Variants in IL1RAP observed in about 807,000 individuals in gnomAD.
The protein encoded by IL1RAP is interleukin 1 receptor accessory protein.
In IL1RAP, 35 loss-of-function variants were observed where a neutral mutation model predicts 60.7. The observed-to-expected ratio is 0.58, with a 90% CI of 0.44 to 0.76. The LOEUF is 0.76. IL1RAP is among the 30% of genes least tolerant of loss of function. The probability of loss-of-function intolerance (pLI) is 0.00; values close to 1 mark genes in which losing one functional copy is unlikely to be tolerated. For synonymous variants in IL1RAP, 268 were observed against 250.9 expected (o/e 1.07, Z -0.64); for missense variants, 572 against 693.9 (o/e 0.82, Z 1.97).
At chr3:190,579,110 T>G (rs992649156) in intron 3 of IL1RAP, among the ~76,000 whole-genome samples, 1 of 152,224 alleles carries the variant, frequency 6.6e-6, no homozygotes. Context: ...GTTTTGTTTG[T>G]TTTTGGTTTT....
At chr3:190,651,532 GT>G, downstream of IL1RAP, 1 of 328,422 alleles carries the variant, frequency 3.0e-6, no homozygotes, top group Non-Finnish European at 4.4e-6. Context: ...TTGTGCATGT[GT>G]TTTATGTCAT....
intron 1 of IL1RAP, among the ~76,000 whole-genome samples, chr3:190,547,991 C>T (rs905169024): frequency 1.3e-5 from 2 of 152,100 alleles, no homozygotes; most frequent in African/African-American, 4.8e-5. Flanking sequence ...CTGAGGCCCT[C>T]TTCTGCTGGA....
Position 190,648,911 on chromosome 3 carries a change from A to T in IL1RAP, c.*206A>T. 7.4e-7 allele frequency: 1 copy of T among 1,352,726 alleles called. No individual in the cohort carries two copies. Among genetic ancestry groups the T allele is most frequent in the Non-Finnish European group, 9.5e-7 (1 of 1,054,670 alleles). 83.8% of individuals were successfully genotyped at this position (1,352,726 alleles called of 1,614,324 possible). On this transcript the variant is annotated 3_prime_UTR_variant, in exon 12 of 12. Transcript: ENST00000447382. ...AGAAAGATATCATCAACGTTCTGTC[A>T]CCAGTCTCTGATGCCACTATGTTCT...
chr3:190,648,814 C>A lies in IL1RAP; in HGVS notation c.*109C>A. Reference sequence around the variant, plus strand: ...TCATAGGCAAAAATAATGGTCTAAGCCTCCCAATAGGGATAAATTTAGGGT... The same window carrying A: ...TCATAGGCAAAAATAATGGTCTAAGACTCCCAATAGGGATAAATTTAGGGT... On this transcript the variant is annotated 3_prime_UTR_variant, in exon 12 of 12. Transcript: ENST00000447382. The A allele has an allele frequency of 1.4e-6, 2 of 1,465,470 alleles. No homozygotes were observed. Among genetic ancestry groups the A allele is most frequent in the African/African-American group, 2.8e-5 (2 of 70,588 alleles). The allele number at this position is 1,465,470 out of a possible 1,614,324, so 90.8% of individuals were successfully genotyped here.
intron 9 of IL1RAP, among the ~76,000 whole-genome samples, chr3:190,631,221 A>T (rs1157502996): frequency 6.6e-6 from 1 of 152,158 alleles, no homozygotes; most frequent in Non-Finnish European, 1.5e-5. Context: ...CTTCTGAGGG[A>T]TGTATCCTGG....
chr3:190,658,299 A>G (rs900885678), exon 12 of IL1RAP: 5 of 152,214 alleles, frequency 3.3e-5, no homozygotes, highest in Admixed American at 2.6e-4. Context: ...TAACTAAAGT[A>G]TTCAGCCAAA....
chr3:190,610,233 A>G (rs886891636), intron 5 of IL1RAP, among the ~76,000 whole-genome samples: 5 of 152,200 alleles, frequency 3.3e-5, no homozygotes, highest in Admixed American at 2.0e-4. Context: ...TTTTCAAAAG[A>G]TATCTTGGTG....
intron 4 of IL1RAP, among the ~76,000 whole-genome samples, chr3:190,607,633 G>C (rs893084819): frequency 6.6e-6 from 1 of 152,116 alleles, no homozygotes; most frequent in Non-Finnish European, 1.5e-5. Context: ...AATGGAGGGG[G>C]TGGGGGAAGT....
chr3:190,586,020 G>A (rs1210942118), intron 3 of IL1RAP, among the ~76,000 whole-genome samples: 1 of 151,906 alleles, frequency 6.6e-6, no homozygotes, highest in Admixed American at 6.6e-5. Context: ...GCTCACATCA[G>A]CCTGGACTCC....
chr3:190,533,526 C>A (rs2108542221), intron 1 of IL1RAP, among the ~76,000 whole-genome samples: 1 of 152,284 alleles, frequency 6.6e-6, no homozygotes, highest in South Asian at 2.1e-4. Flanking sequence ...TGAACAACTA[C>A]TCGATTTAAG....
intron 9 of IL1RAP, among the ~76,000 whole-genome samples, chr3:190,641,334 C>T (rs1045848731): frequency 3.9e-5 from 6 of 152,130 alleles, no homozygotes; most frequent in African/African-American, 1.2e-4. Flanking sequence ...CCTGAGGGTC[C>T]AGCTAGGCAG....
chr3:190,569,232 T>A (rs191987533), intron 3 of IL1RAP, among the ~76,000 whole-genome samples: 23 of 152,372 alleles, frequency 1.5e-4, no homozygotes, highest in African/African-American at 2.9e-4. Flanking sequence ...TTCCTTTTTT[T>A]AAATTCTGTC....
chr3:190,565,479 C>T (rs891739359), intron 3 of IL1RAP, among the ~76,000 whole-genome samples: 4 of 152,162 alleles, frequency 2.6e-5, no homozygotes, highest in Admixed American at 6.5e-5. Context: ...TTTCTGGGTG[C>T]GTTTCAGCTT....
rs76213754 is a variant in IL1RAP, at chr3:190,558,477, T to C, written c.-2+2261T>C. Reference sequence around the variant, plus strand: ...AGTATTTATTTTTTAATTTTAGTCATTCTGAAAGGTGTATTGTGGTATCTC... The same window carrying C: ...AGTATTTATTTTTTAATTTTAGTCACTCTGAAAGGTGTATTGTGGTATCTC... On this transcript the variant is annotated intron_variant, in intron 2 of 11. Transcript: ENST00000447382. Among the ~76,000 whole-genome samples the C allele has an allele frequency of 4.2e-3, 645 of 152,290 alleles. 4 individuals are homozygous for C. The highest frequency in any genetic ancestry group is 0.015 in the African/African-American group (613 of 41,560).
In IL1RAP at chr3:190,587,512, C is replaced by G. The variant is rs373326390; in HGVS notation, c.65-16616C>G. On this transcript the variant is annotated intron_variant, in intron 3 of 11. Coordinates refer to ENST00000447382, the MANE Select transcript of IL1RAP (RefSeq NM_002182.4). ...GCAGAATTAGGACAAGAAACCAGGT[C>G]TTCTGACCCTATGTCTTTGTTCTCC... Among the ~76,000 whole-genome samples the G allele has an allele frequency of 5.3e-5, 8 of 152,300 alleles. No homozygotes were observed. The East Asian group carries it at 5.8e-4, about 11-fold the overall frequency.
chr3:190,597,435 G>A (rs1729473999), intron 3 of IL1RAP, among the ~76,000 whole-genome samples: 1 of 152,136 alleles, frequency 6.6e-6, no homozygotes, highest in Non-Finnish European at 1.5e-5. Flanking sequence ...AAGTCAAGTG[G>A]CATTCCTGAA....
rs56013884 is a variant in IL1RAP, at chr3:190,555,211, T to C, written c.-88-919T>C. ...TTAGTCCACAGGTGATATGTCTGTT[T>C]TGGGCCTGTGGTGGTGATAATTTCA... On this transcript the variant is annotated intron_variant, in intron 1 of 11. Coordinates refer to ENST00000447382, the MANE Select transcript of IL1RAP (RefSeq NM_002182.4). 4.3e-3 allele frequency among the ~76,000 whole-genome samples: 648 copies of C among 152,238 alleles called. 4 individuals carry two copies. Among genetic ancestry groups the C allele is most frequent in the African/African-American group, 0.015 (616 of 41,510 alleles).
chr3:190,567,228 G>C (rs960380894), intron 3 of IL1RAP, among the ~76,000 whole-genome samples: 2 of 152,102 alleles, frequency 1.3e-5, no homozygotes, highest in Non-Finnish European at 2.9e-5. Flanking sequence ...TCAGGAATGG[G>C]GGAGCAACAT....
intron 8 of IL1RAP, among the ~76,000 whole-genome samples, chr3:190,628,680 G>A (rs1056818793): frequency 3.3e-5 from 5 of 152,068 alleles, no homozygotes; most frequent in Non-Finnish European, 4.4e-5. Context: ...CTTTTTATAT[G>A]TTAGGATTTA....
Sources: gnomAD v4.1 joint callset for allele counts (sites outside exome capture counted in the v4.1 genomes callset) on GRCh38, gnomAD v4.1.1 for gene constraint, MANE v1.5 for transcripts, NCBI Gene and HGNC (gene_info 2026-07-23, HGNC 2026-07-21) for gene names.